SLC22A16: variants seen among roughly 807,000 people sequenced by gnomAD.
The protein encoded by SLC22A16 is solute carrier family 22 member 16.
In SLC22A16, 53 loss-of-function variants were observed where a neutral mutation model predicts 52.9. That is an observed-to-expected ratio of 1.00 (90% confidence interval 0.80 to 1.26). The LOEUF (loss-of-function observed/expected upper bound fraction) is 1.26. SLC22A16 is among the 50% of genes most tolerant of loss of function. The probability of loss-of-function intolerance (pLI) is 0.00; values close to 1 mark genes in which losing one functional copy is unlikely to be tolerated. For missense variants in SLC22A16, 726 were observed against 704.0 expected (o/e 1.03, Z -0.35); for synonymous variants, 291 against 268.8 (o/e 1.08, Z -0.81).
At chr6:110,472,949 T>G (rs781360950) in intron 1 of SLC22A16, among the ~76,000 whole-genome samples, 7 of 152,182 alleles carry the variant, frequency 4.6e-5, no homozygotes, top group Non-Finnish European at 1.0e-4. Flanking sequence ...GCATAACTGG[T>G]GGAGTCCATC....
chr6:110,466,345 A>G (rs147032054), intron 1 of SLC22A16, among the ~76,000 whole-genome samples: 1 of 152,328 alleles, frequency 6.6e-6, no homozygotes, highest in African/African-American at 2.4e-5. Context: ...GATAGAGTAC[A>G]TAACCTACAG....
chr6:110,473,983 C>T (rs1035201276), intron 1 of SLC22A16, among the ~76,000 whole-genome samples: 3 of 152,118 alleles, frequency 2.0e-5, no homozygotes, highest in African/African-American at 7.2e-5. Context: ...GACCACACAG[C>T]AGGAGGTGAG....
intron 4 of SLC22A16, among the ~76,000 whole-genome samples, chr6:110,440,550 G>T (rs1244938708): frequency 6.6e-6 from 1 of 152,224 alleles, no homozygotes; most frequent in African/African-American, 2.4e-5. Flanking sequence ...GGCCAAGGCG[G>T]GTGGATCACC....
chr6:110,459,307 A>G (rs1775780839), intron 1 of SLC22A16, among the ~76,000 whole-genome samples: 1 of 152,222 alleles, frequency 6.6e-6, no homozygotes, highest in South Asian at 2.1e-4. Flanking sequence ...TGCAAACACT[A>G]AAGTCACCAA....
At chr6:110,454,801 ATATATATAT>A (rs1775555109) in intron 2 of SLC22A16, among the ~76,000 whole-genome samples, 1 of 64,992 alleles carries the variant, frequency 1.5e-5, no homozygotes. Context: ...AATATATATA[ATATATATAT>A]TATATATGTT....
At chr6:110,428,811 T>G (rs1376047662) in intron 7 of SLC22A16, among the ~76,000 whole-genome samples, 2 of 152,118 alleles carry the variant, frequency 1.3e-5, no homozygotes, top group African/African-American at 4.8e-5. Context: ...TCCCAGCTTC[T>G]TGGGAGGCTG....
Position 110,442,307 on chromosome 6 carries a change from A to G in SLC22A16, c.1120T>C (p.Tyr374His). Residue 374 changes from tyrosine (Y) to histidine (H), a missense_variant, in exon 4 of 8, where the codon TAC becomes CAC. Tyr to His is a moderately conservative substitution (Grantham distance 83). Transcript: ENST00000368919. Reference protein sequence around the residue: ...LIWFTGSLGFYSFSLNSVNLG... With the variant: ...LIWFTGSLGFHSFSLNSVNLG... ...TTAACAGAATTCAAGGAAAACGAGT[A>G]GAATCCCAAACTTCCAGTGAACCAG... 1 of 1,614,228 alleles carries G rather than the reference A, an allele frequency of 6.2e-7. No homozygotes were observed. The highest frequency in any genetic ancestry group is 8.5e-7 in the Non-Finnish European group (1 of 1,180,038).
chr6:110,425,489 T>A, intron 7 of SLC22A16: 1 of 1,063,766 alleles, frequency 9.4e-7, no homozygotes, highest in Non-Finnish European at 1.3e-6. Context: ...AAGCAGGGAC[T>A]GTCTTAGTCA....
At chr6:110,434,627 G>A (rs772462031) in intron 6 of SLC22A16, among the ~76,000 whole-genome samples, 2 of 147,816 alleles carry the variant, frequency 1.4e-5, no homozygotes, top group African/African-American at 2.5e-5. Flanking sequence ...AAAGGGTGTC[G>A]GGGGGGCGGG....
chr6:110,465,854 G>T (rs1354536310), intron 1 of SLC22A16, among the ~76,000 whole-genome samples: 2 of 152,038 alleles, frequency 1.3e-5, no homozygotes, highest in African/African-American at 4.8e-5. Flanking sequence ...AAAGAGCAAG[G>T]CCAGAGGCAT....
chr6:110,462,142 G>A (rs1265557986), intron 1 of SLC22A16, among the ~76,000 whole-genome samples: 1 of 152,166 alleles, frequency 6.6e-6, no homozygotes, highest in Non-Finnish European at 1.5e-5. Flanking sequence ...GGAAATACCT[G>A]CCTCCATGTT....
intron 4 of SLC22A16, among the ~76,000 whole-genome samples, chr6:110,439,377 C>T (rs374594403): frequency 7.9e-5 from 12 of 152,194 alleles, no homozygotes; most frequent in African/African-American, 2.4e-4. Context: ...TGCATCCACA[C>T]TCCACCCCAC....
chr6:110,425,252 A>G (rs1236978071), intron 7 of SLC22A16, 167 bp from the exon 8 acceptor site: 4 of 1,517,384 alleles, frequency 2.6e-6, no homozygotes, highest in African/African-American at 1.4e-5. Flanking sequence ...CTGGACTTCG[A>G]GTTCTTTTCC....
intron 1 of SLC22A16, chr6:110,476,245 G>A (rs941484158): frequency 4.3e-6 from 4 of 919,710 alleles, no homozygotes; most frequent in South Asian, 1.9e-5. Context: ...CTGCTGCCGC[G>A]GAGAGCACGC....
At chr6:110,427,260 A>AAAAAAAAAAAAAAAG (rs538137410) in intron 7 of SLC22A16, among the ~76,000 whole-genome samples, 2 of 137,948 alleles carry the variant, frequency 1.4e-5, no homozygotes, top group Admixed American at 7.5e-5. Flanking sequence ...AAAAAAAAAA[A>AAAAAAAAAAAAAAAG]AAAAGAAAAA....
At chr6:110,457,893 C>G (rs769762548) in intron 1 of SLC22A16, among the ~76,000 whole-genome samples, 2 of 152,108 alleles carry the variant, frequency 1.3e-5, no homozygotes, top group African/African-American at 2.4e-5. Context: ...AAGGGAGTCT[C>G]CCTTTCCCCA....
In SLC22A16 at chr6:110,460,636, T is replaced by G. The variant is rs1487102317; in HGVS notation, c.54-3619A>C. Among the ~76,000 whole-genome samples the G allele has an allele frequency of 2.6e-5, 4 of 152,294 alleles. No homozygotes were observed. The East Asian group carries it at 7.7e-4, about 29-fold the overall frequency. ...GCCAGGTGACCAACTCATGCAGGTG[T>G]GCTGGCACTCCCCTCAGGCCTGAAC... On this transcript the variant is annotated intron_variant, in intron 1 of 7. Coordinates refer to ENST00000368919, the MANE Select transcript of SLC22A16 (RefSeq NM_033125.4).
chr6:110,457,520 A>C (rs1048899538), intron 1 of SLC22A16, among the ~76,000 whole-genome samples: 4 of 152,198 alleles, frequency 2.6e-5, no homozygotes, highest in African/African-American at 7.2e-5. Context: ...CCATATAATA[A>C]AATATATAAA....
chr6:110,463,180 T>G (rs1775945572), intron 1 of SLC22A16, among the ~76,000 whole-genome samples: 2 of 151,822 alleles, frequency 1.3e-5, no homozygotes, highest in East Asian at 1.9e-4. Flanking sequence ...CACACATAAG[T>G]AGAAAGTTCA....
Sources: allele counts gnomAD v4.1 joint callset (sites outside exome capture counted in the v4.1 genomes callset), GRCh38; gene constraint gnomAD v4.1.1; transcripts MANE v1.5; gene names NCBI Gene and HGNC (gene_info 2026-07-23, HGNC 2026-07-21).